Variants in NBPF3 observed in about 807,000 individuals in gnomAD.
The protein encoded by NBPF3 is NBPF family member NBPF3.
A neutral mutation model predicts 78.1 loss-of-function variants in NBPF3; 57 were observed. The observed-to-expected ratio is 0.73, with a 90% CI of 0.59 to 0.91. NBPF3 has a LOEUF of 0.91. Ranked by LOEUF, NBPF3 falls within the 40% of genes least tolerant of loss-of-function variation. NBPF3 has a pLI of 0.00. For synonymous variants in NBPF3, 182 were observed against 271.7 expected (o/e 0.67, Z 3.25); for missense variants, 510 against 715.3 (o/e 0.71, Z 3.27).
At chr1:21,483,090 C>T (rs1320493870) in intron 14 of NBPF3, 53 bp from the exon 15 acceptor site, 1 of 1,610,492 alleles carries the variant, frequency 6.2e-7, no homozygotes, top group Non-Finnish European at 8.5e-7. Context: ...AGTTGGGGCT[C>T]TGTGGTGTCT....
At chr1:21,456,842 G>T (rs993203967) in intron 2 of NBPF3, among the ~76,000 whole-genome samples, 80 of 152,230 alleles carry the variant, frequency 5.3e-4, no homozygotes, top group African/African-American at 1.5e-3. Context: ...TTTCAATTCA[G>T]CATTATACTA....
chr1:21,478,051 C>T (rs1430697656), intron 8 of NBPF3, 93 bp from the exon 9 acceptor site: 1 of 1,610,386 alleles, frequency 6.2e-7, no homozygotes, highest in South Asian at 1.1e-5. Context: ...GTGAGCACTC[C>T]ATTCTGTCTC....
intron 2 of NBPF3, chr1:21,454,189 C>A (rs560101695): frequency 6.6e-6 from 1 of 152,346 alleles, no homozygotes; most frequent in South Asian, 2.1e-4. Context: ...CATGATGACT[C>A]ATGAGGATGT....
intron 2 of NBPF3, among the ~76,000 whole-genome samples, chr1:21,467,632 G>T (rs1212100157): frequency 6.6e-6 from 1 of 152,162 alleles, no homozygotes; most frequent in African/African-American, 2.4e-5. Flanking sequence ...GTTCTTTTCA[G>T]TATATGGGAA....
At chr1:21,465,430 A>T (rs1164879874) in intron 2 of NBPF3, among the ~76,000 whole-genome samples, 1 of 152,268 alleles carries the variant, frequency 6.6e-6, no homozygotes, top group African/African-American at 2.4e-5. Flanking sequence ...GCTGTTTCTT[A>T]CTTTGATCAA....
upstream of NBPF3, chr1:21,437,440 C>A (rs1428655912): frequency 3.3e-5 from 46 of 1,396,134 alleles, no homozygotes; most frequent in Non-Finnish European, 4.4e-5. Flanking sequence ...AGATGTAGCG[C>A]CTGCGGGACA....
chr1:21,469,007 T>A, intron 3 of NBPF3, 110 bp downstream of exon 3: 1 of 864,712 alleles, frequency 1.2e-6, no homozygotes, highest in Non-Finnish European at 1.8e-6. Flanking sequence ...CCCATACTTC[T>A]AGGAAAATAG....
Position 21,484,373 on chromosome 1 carries a change from G to A in NBPF3, c.*987G>A. The A allele has an allele frequency of 8.0e-6, 1 of 124,288 alleles. No homozygotes were observed. The allele number at this position is 124,288 out of a possible 1,614,324, so 7.7% of individuals were successfully genotyped here. A position where few individuals can be genotyped will look rare whatever the true frequency, so the allele number is the denominator to read the frequency against. ...TGTTGTCATTGATTTTGGTGACATG[G>A]ACTTGTTTGTAGAGGACAGGTCAGC... On this transcript the variant is annotated 3_prime_UTR_variant, in exon 15 of 15. Transcript: ENST00000318249.
At chr1:21,446,600 C>CTTCCTTTCTTCTT (rs953548976) in intron 2 of NBPF3, 1 of 132,484 alleles carries the variant, frequency 7.5e-6, no homozygotes, top group African/African-American at 2.8e-5. Flanking sequence ...TCTTTCCTTT[C>CTTCCTTTCTTCTT]TTCCTTTCTT....
rs181484482 is a variant in NBPF3 at position 21,466,346 on chromosome 1, A to C, written c.134-2342A>C. ...ATTTAATCTCAAAACAGGAATCAGA[A>C]ATATATTAAGTCCAGGGCATAAAAC... On this transcript the variant is annotated intron_variant, in intron 2 of 14. Coordinates refer to ENST00000318249, the MANE Select transcript of NBPF3 (RefSeq NM_032264.6). Among the ~76,000 whole-genome samples, 7 of 152,370 alleles carry C rather than the reference A, an allele frequency of 4.6e-5. No individual in the cohort carries two copies. In the East Asian group the frequency reaches 1.2e-3, roughly 25 times the overall value.
chr1:21,469,979 T>A (rs1260025305), intron 3 of NBPF3, among the ~76,000 whole-genome samples: 1 of 151,682 alleles, frequency 6.6e-6, no homozygotes, highest in Non-Finnish European at 1.5e-5. Context: ...TTACATGAGC[T>A]GTTTCTTGTC....
At chr1:21,455,300 C>G (rs1243891914) in intron 2 of NBPF3, among the ~76,000 whole-genome samples, 1 of 152,194 alleles carries the variant, frequency 6.6e-6, no homozygotes, top group Admixed American at 6.5e-5. Flanking sequence ...AACACAATCG[C>G]AGGAGTGACA....
At chr1:21,457,513 G>A (rs1287607413) in intron 2 of NBPF3, among the ~76,000 whole-genome samples, 2 of 152,072 alleles carry the variant, frequency 1.3e-5, no homozygotes, top group Non-Finnish European at 2.9e-5. Flanking sequence ...ATACATAAAT[G>A]GTCAATTAGC....
chr1:21,456,273 A>G (rs1450286489), intron 2 of NBPF3, among the ~76,000 whole-genome samples: 1 of 152,222 alleles, frequency 6.6e-6, no homozygotes, highest in Non-Finnish European at 1.5e-5. Context: ...TAAGCAAAAT[A>G]CATCTAAGAA....
At chr1:21,461,472 C>G (rs1302768995) in intron 2 of NBPF3, among the ~76,000 whole-genome samples, 5 of 152,132 alleles carry the variant, frequency 3.3e-5, no homozygotes, top group African/African-American at 9.7e-5. Context: ...CTAAATGATT[C>G]CTTTTTTTAA....
intron 2 of NBPF3, chr1:21,446,398 G>T (rs1473682937): frequency 6.6e-6 from 1 of 151,872 alleles, no homozygotes; most frequent in Admixed American, 6.6e-5. Flanking sequence ...GGAAAATATT[G>T]GTGGTGTAAG....
chr1:21,478,541 T>C (rs1039287154), intron 9 of NBPF3, among the ~76,000 whole-genome samples: 3 of 152,244 alleles, frequency 2.0e-5, no homozygotes, highest in Admixed American at 6.5e-5. Flanking sequence ...CACCCTGGAC[T>C]GACTGTCAGG....
At chr1:21,458,357 G>A (rs557138266) in intron 2 of NBPF3, among the ~76,000 whole-genome samples, 295 of 146,544 alleles carry the variant, frequency 2.0e-3, no homozygotes, top group Middle Eastern at 0.014. Context: ...TTGTAATAAG[G>A]GCATGGGCTT....
chr1:21,441,585 T>G (rs1640650118), intron 1 of NBPF3, among the ~76,000 whole-genome samples: 1 of 151,580 alleles, frequency 6.6e-6, no homozygotes, highest in Non-Finnish European at 1.5e-5. Flanking sequence ...TGTGTGCCTG[T>G]AGTCCCAGCT....
Sources: gnomAD v4.1 joint callset for allele counts (sites outside exome capture counted in the v4.1 genomes callset) on GRCh38, gnomAD v4.1.1 for gene constraint, MANE v1.5 for transcripts, NCBI Gene and HGNC (gene_info 2026-07-23, HGNC 2026-07-21) for gene names.